The following HERC2 variants were observed in gnomAD, a reference collection of about 807,000 sequenced individuals.
HERC2 encodes E3 ubiquitin-protein ligase HERC2.
HERC2 carries 102 observed loss-of-function variants against 537.7 expected under a neutral mutation model. The observed-to-expected ratio is 0.19, with a 90% CI of 0.16 to 0.22. The LOEUF (loss-of-function observed/expected upper bound fraction) is 0.22. HERC2 is among the 10% of genes least tolerant of loss of function. HERC2 has a pLI of 1.00. For synonymous variants in HERC2, 2,224 were observed against 2,466.2 expected, an observed-to-expected ratio of 0.90 and a Z score of 2.91; for missense variants, 4,236 against 6,198.2, an observed-to-expected ratio of 0.68 and a Z score of 10.63.
chr15:28,121,792 G>A (rs1290299280), intron 85 of HERC2, among the ~76,000 whole-genome samples: 3 of 152,240 alleles, frequency 2.0e-5, no homozygotes, highest in African/African-American at 7.2e-5. Context: ...AGGTTTCCCT[G>A]CCAAGCAAGC....
At chr15:28,253,002 G>C (rs1355192614) in intron 20 of HERC2, among the ~76,000 whole-genome samples, 1 of 152,204 alleles carries the variant, frequency 6.6e-6, no homozygotes, top group Non-Finnish European at 1.5e-5. Flanking sequence ...GTGCTCGGCT[G>C]CCTGACCCAA....
intron 4 of HERC2, among the ~76,000 whole-genome samples, chr15:28,282,988 G>A (rs1008833408): frequency 3.6e-5 from 5 of 139,568 alleles, no homozygotes; most frequent in African/African-American, 1.4e-4. Context: ...GGACGGGACT[G>A]GATGGGACGG....
chr15:28,121,541 A>G (rs1888890324), intron 85 of HERC2, 112 bp from the exon 86 acceptor site: 5 of 849,038 alleles, frequency 5.9e-6, no homozygotes, highest in Admixed American at 2.0e-5. Context: ...TCTTAAGGAC[A>G]GAAAACTGCC....
At chr15:28,308,361 T>C (rs1414840848) in intron 2 of HERC2, among the ~76,000 whole-genome samples, 2 of 152,246 alleles carry the variant, frequency 1.3e-5, no homozygotes, top group Non-Finnish European at 1.5e-5. Context: ...TATTGTTTAC[T>C]GTTGGCACAC....
In HERC2 at chr15:28,174,706, G is replaced by A. The variant is rs1203694671; in HGVS notation, c.9832-86C>T. The A allele has an allele frequency of 1.8e-5, 20 of 1,134,410 alleles. 1 individual carries two copies. The highest frequency in any genetic ancestry group is 1.4e-4 in the South Asian group (9 of 66,544). 70.3% of individuals were successfully genotyped at this position (1,134,410 alleles called of 1,614,324 possible). ...TAATTTTTACTTCAAAATGCTTAACGCGTATGCCACGGTAGTTGAAAGAAT... is the reference window on the plus strand; with the variant it reads ...TAATTTTTACTTCAAAATGCTTAACACGTATGCCACGGTAGTTGAAAGAAT... On this transcript the variant is annotated intron_variant, in intron 64 of 92. Coordinates refer to ENST00000261609, the MANE Select transcript of HERC2 (RefSeq NM_004667.6).
Position 28,231,000 on chromosome 15 carries a change from A to C in HERC2, c.4676-500T>G, listed in dbSNP as rs190376512. On this transcript the variant is annotated intron_variant, in intron 30 of 92. Coordinates refer to ENST00000261609, the MANE Select transcript of HERC2 (RefSeq NM_004667.6). ...AAAAAGGTCTTAGTCCATGGGCAAC[A>C]CAAAGCAAGCAAGAGGTAGAATTTG... Among the ~76,000 whole-genome samples, 321 of 152,152 alleles carry C rather than the reference A, an allele frequency of 2.1e-3. 2 individuals carry two copies. The highest frequency in any genetic ancestry group is 4.6e-3 in the African/African-American group (192 of 41,516).
chr15:28,168,505 C>A lies in HERC2; in HGVS notation c.10315G>T (p.Ala3439Ser). 1 of 1,614,204 alleles carries A rather than the reference C, an allele frequency of 6.2e-7. No homozygotes were observed. Among genetic ancestry groups the A allele is most frequent in the Non-Finnish European group, 8.5e-7 (1 of 1,180,042 alleles). ...TTCATGGGACTAGCCATCGCAGATG[C>A]GTCGGAAGGGGCCGCCGAGGAGAAC... ...PSFSSAAPSD[A>S]SAMASPMNGE... The change falls in exon 67 of 93, where the codon GCA (alanine) becomes TCA (serine). Residue 3439 changes from alanine (A) to serine (S), a missense_variant. Transcript: ENST00000261609.
At chr15:28,188,505 C>T (rs1896530077) in intron 55 of HERC2, among the ~76,000 whole-genome samples, 1 of 150,558 alleles carries the variant, frequency 6.6e-6, no homozygotes, top group African/African-American at 2.5e-5. Flanking sequence ...GATCACACCA[C>T]TGCACTCCAG....
intron 20 of HERC2, among the ~76,000 whole-genome samples, chr15:28,251,464 G>A (rs1265909302): frequency 7.2e-6 from 1 of 138,138 alleles, no homozygotes; most frequent in African/African-American, 3.0e-5. Flanking sequence ...ATTGTCCTTA[G>A]TCACATTAAG....
At chr15:28,311,988 C>G (rs2076957520) in intron 2 of HERC2, among the ~76,000 whole-genome samples, 1 of 152,168 alleles carries the variant, frequency 6.6e-6, no homozygotes, top group Admixed American at 6.5e-5. Context: ...CTGGGTAGCA[C>G]TGGGAAGGAA....
intron 65 of HERC2, among the ~76,000 whole-genome samples, chr15:28,173,886 G>A (rs190805880): frequency 2.2e-4 from 33 of 151,930 alleles, no homozygotes; most frequent in Admixed American, 1.6e-3. Context: ...TGGTGCATAC[G>A]GCAGGAAGGA....
In HERC2 at chr15:28,178,949, G is replaced by A; in HGVS notation, c.9101C>T (p.Pro3034Leu). The A allele has an allele frequency of 6.2e-7, 1 of 1,614,156 alleles. No homozygotes were observed. Among genetic ancestry groups the A allele is most frequent in the Non-Finnish European group, 8.5e-7 (1 of 1,180,030 alleles). Residue 3034 changes from proline (P) to leucine (L), a missense_variant, in exon 59 of 93, where the codon CCC becomes CTC. Around this residue, in one of 27 missense-constraint regions of HERC2, gnomAD observed 606 missense variants for 884.5 expected, o/e 0.69. Coordinates refer to ENST00000261609, the MANE Select transcript of HERC2 (RefSeq NM_004667.6). ...GAGAGCTGTGATCTGCCGTGGGATG[G>A]GCACCGTCCCGCTGGAAATGCCCAG... is the stretch of plus-strand genomic sequence containing the variant. Reference protein sequence around the residue: ...LGLGISSGTVPIPRQITALSS... With the variant: ...LGLGISSGTVLIPRQITALSS...
chr15:28,313,186 T>G (rs2076991281), intron 2 of HERC2, among the ~76,000 whole-genome samples: 1 of 108,976 alleles, frequency 9.2e-6, no homozygotes, highest in African/African-American at 3.0e-5. Context: ...AGCAAACAGT[T>G]AAGGCATTTT....
At chr15:28,292,451 C>T (rs1005000396) in intron 4 of HERC2, among the ~76,000 whole-genome samples, 1 of 152,082 alleles carries the variant, frequency 6.6e-6, no homozygotes, top group Non-Finnish European at 1.5e-5. Context: ...GAAATGGGAA[C>T]CTTAGTATAC....
At chr15:28,188,368 G>A (rs1367638906) in intron 55 of HERC2, among the ~76,000 whole-genome samples, 5 of 151,946 alleles carry the variant, frequency 3.3e-5, no homozygotes, top group East Asian at 1.9e-4. Context: ...GTGAAACCCC[G>A]TCTCTACTAA....
intron 81 of HERC2, among the ~76,000 whole-genome samples, chr15:28,131,838 G>A (rs1890139269): frequency 6.6e-6 from 1 of 152,190 alleles, no homozygotes; most frequent in South Asian, 2.1e-4. Flanking sequence ...GCTCCACGGT[G>A]CCCGGATGAT....
chr15:28,206,564 T>G (rs1045670911), intron 44 of HERC2, among the ~76,000 whole-genome samples, 182 bp from the exon 45 acceptor site: 1 of 151,572 alleles, frequency 6.6e-6, no homozygotes, highest in African/African-American at 2.4e-5. Flanking sequence ...TTGGGTGCGG[T>G]GGCTCACGCG....
rs529160483 is a variant in HERC2 at position 28,268,001 on chromosome 15, TTC to T, written c.1598+462_1598+463del. On this transcript the variant is annotated intron_variant, in intron 12 of 92. Transcript: ENST00000261609. The surrounding 1 kb of genome is among the most constrained non-coding windows in gnomAD (Gnocchi z 4.7). ...TTACAACCTGGCATTTATAACAACT[TTC>T]TGTTTCATTTGTTCTTTCACAATAA... 8.8e-4 allele frequency among the ~76,000 whole-genome samples: 134 copies of T among 152,374 alleles called. No homozygotes were observed. The highest frequency in any genetic ancestry group is 2.4e-3 in the Admixed American group (37 of 15,308).
At position 28,142,323 on chromosome 15, in the gene HERC2, G is replaced by A; in HGVS notation, c.11615C>T (p.Ala3872Val). Reference sequence around the variant, plus strand: ...GGCCATGCAGTACCTCCGGAACCAGGCCCACTTGTGCGTCTCGGCACAGCA... The same window carrying A: ...GGCCATGCAGTACCTCCGGAACCAGACCCACTTGTGCGTCTCGGCACAGCA... ...LPCCAETHKW[A>V]WFRRYCMASR... The change falls in exon 76 of 93, where the codon GCC (alanine) becomes GTC (valine). Residue 3872 changes from alanine to valine, a missense_variant. Ala to Val is a moderately conservative substitution (Grantham distance 64). Transcript: ENST00000261609. The A allele has an allele frequency of 6.2e-7, 1 of 1,614,156 alleles. No individual in the cohort carries two copies. Among genetic ancestry groups the A allele is most frequent in the East Asian group, 2.2e-5 (1 of 44,892 alleles).
Sources: allele counts gnomAD v4.1 joint callset (sites outside exome capture counted in the v4.1 genomes callset), GRCh38; gene constraint gnomAD v4.1.1; regional missense constraint gnomAD v4.1.1; non-coding constraint Gnocchi (gnomAD v3.1); transcripts MANE v1.5; gene names NCBI Gene and HGNC (gene_info 2026-07-23, HGNC 2026-07-21).